The following TRMT9B variants were observed in gnomAD, a reference collection of about 807,000 sequenced individuals.
TRMT9B encodes probable tRNA methyltransferase 9B.
In TRMT9B, 16 loss-of-function variants were observed where a neutral mutation model predicts 11.5. The observed-to-expected ratio is 1.39, with a 90% confidence interval of 0.94 to 2.11. The LOEUF (loss-of-function observed/expected upper bound fraction) is 2.11, where lower values mean the gene tolerates loss of function less well. TRMT9B is among the 30% of genes most tolerant of loss of function. The pLI is 0.00. For synonymous variants in TRMT9B, 274 were observed against 192.4 expected, an observed-to-expected ratio of 1.42 and a Z score of -3.51; for missense variants, 941 against 553.8, an observed-to-expected ratio of 1.70 and a Z score of -7.02.
At chr8:12,965,960 C>T (rs1802752257) in intron 1 of TRMT9B, among the ~76,000 whole-genome samples, 1 of 151,704 alleles carries the variant, frequency 6.6e-6, no homozygotes, top group Admixed American at 6.6e-5. Context: ...TAGTAGTGAG[C>T]CAAGATAGTG....
At chr8:13,019,386 G>C (rs990021940) in intron 4 of TRMT9B, among the ~76,000 whole-genome samples, 1 of 152,166 alleles carries the variant, frequency 6.6e-6, no homozygotes, top group Non-Finnish European at 1.5e-5. Context: ...CGACCTCCCT[G>C]GCTCAAATGA....
intron 4 of TRMT9B, among the ~76,000 whole-genome samples, chr8:13,018,697 T>C (rs1449065758): frequency 6.6e-6 from 1 of 152,178 alleles, no homozygotes; most frequent in African/African-American, 2.4e-5. Flanking sequence ...GAACAACATA[T>C]TGTCTTGTTT....
chr8:12,991,031 G>C lies in TRMT9B; in HGVS notation c.-2G>C. The C allele has an allele frequency of 2.5e-6, 3 of 1,223,450 alleles. No homozygotes were observed. Among genetic ancestry groups the C allele is most frequent in the Non-Finnish European group, 3.1e-6 (3 of 953,958 alleles). The allele number at this position is 1,223,450 out of a possible 1,614,324, so 75.8% of individuals were successfully genotyped here. A position where few individuals can be genotyped will look rare whatever the true frequency, so the allele number is the denominator to read the frequency against. ...TTTCCTGTAATCACAGGATGACTCA[G>C]GTTAGTAGCTTTCAGCGCTTCTGCA... On this transcript the variant is annotated splice_region_variant and 5_prime_UTR_variant, in exon 2 of 5. Coordinates refer to ENST00000524591, the MANE Select transcript of TRMT9B (RefSeq NM_020844.3).
chr8:12,958,032 C>G (rs973155822), intron 1 of TRMT9B, among the ~76,000 whole-genome samples: 15 of 152,084 alleles, frequency 9.9e-5, no homozygotes, highest in African/African-American at 3.4e-4. Flanking sequence ...TCCGTTTTCA[C>G]CCGGCTGATA....
chr8:12,963,985 G>A (rs1014032678), intron 1 of TRMT9B, among the ~76,000 whole-genome samples: 25 of 152,074 alleles, frequency 1.6e-4, no homozygotes, highest in Admixed American at 3.3e-4. Context: ...GACACCAATC[G>A]CATCAGCTTT....
intron 4 of TRMT9B, among the ~76,000 whole-genome samples, chr8:13,015,198 G>A (rs890813796): frequency 1.3e-5 from 2 of 150,868 alleles, no homozygotes; most frequent in East Asian, 1.9e-4. Context: ...ATTGTTATTG[G>A]ATTTTTTTAA....
intron 1 of TRMT9B, among the ~76,000 whole-genome samples, chr8:12,988,225 C>T (rs1051813655): frequency 6.6e-6 from 1 of 152,202 alleles, no homozygotes; most frequent in Admixed American, 6.5e-5. Flanking sequence ...ACTCCCCCTT[C>T]CCACTCCAGG....
intron 2 of TRMT9B, among the ~76,000 whole-genome samples, chr8:13,001,919 T>C (rs1209293275): frequency 1.3e-5 from 2 of 152,216 alleles, no homozygotes; most frequent in Non-Finnish European, 2.9e-5. Flanking sequence ...CTTGTTTTAG[T>C]ACTAGTCTTA....
chr8:13,011,040 G>C (rs1811512030), intron 3 of TRMT9B: 4 of 630,352 alleles, frequency 6.3e-6, no homozygotes, highest in Non-Finnish European at 7.9e-6. Flanking sequence ...GCTGGAGTGA[G>C]GTGATGCTAC....
intron 1 of TRMT9B, among the ~76,000 whole-genome samples, chr8:12,978,821 G>A (rs917362976): frequency 1.3e-5 from 2 of 152,194 alleles, no homozygotes; most frequent in African/African-American, 2.4e-5. Flanking sequence ...GGCACGTGGA[G>A]TCCAGACTCC....
intron 1 of TRMT9B, among the ~76,000 whole-genome samples, chr8:12,979,887 C>G (rs948287838): frequency 1.3e-5 from 2 of 152,062 alleles, no homozygotes; most frequent in African/African-American, 4.8e-5. Context: ...TCAAGAGAAC[C>G]TCGGCTGGAA....
chr8:13,010,900 A>T, intron 3 of TRMT9B: 1 of 954,716 alleles, frequency 1.0e-6, no homozygotes, highest in Non-Finnish European at 1.2e-6. Flanking sequence ...CATTATTGGG[A>T]ACAGTGTGGC....
chr8:12,961,523 A>AACCCCG (rs1356922557), intron 1 of TRMT9B, among the ~76,000 whole-genome samples: 4 of 151,418 alleles, frequency 2.6e-5, no homozygotes, highest in Non-Finnish European at 4.4e-5. Context: ...AACACGGTGA[A>AACCCCG]ACCCCGTCTC....
rs1808189023 is a variant in TRMT9B, at chr8:12,995,561, A to T, written c.-2+4530A>T. 2.0e-5 allele frequency among the ~76,000 whole-genome samples: 3 copies of T among 151,936 alleles called. No individual in the cohort carries two copies. In the South Asian group the frequency reaches 6.2e-4, roughly 32 times the overall value. Reference sequence around the variant, plus strand: ...TTAATTGCCCGTTTCTTCTCCTTGCACTTCCCCTGGTTTCTTTCTTCTTTT... The same window carrying T: ...TTAATTGCCCGTTTCTTCTCCTTGCTCTTCCCCTGGTTTCTTTCTTCTTTT... On this transcript the variant is annotated intron_variant, in intron 2 of 4. Coordinates refer to ENST00000524591, the MANE Select transcript of TRMT9B (RefSeq NM_020844.3).
chr8:12,977,678 T>A (rs1804677014), intron 1 of TRMT9B, among the ~76,000 whole-genome samples: 1 of 151,966 alleles, frequency 6.6e-6, no homozygotes, highest in Admixed American at 6.6e-5. Context: ...TCCAGCCTTG[T>A]GACAGAGCAA....
intron 1 of TRMT9B, among the ~76,000 whole-genome samples, chr8:12,981,338 G>T (rs749439928): frequency 7.9e-5 from 12 of 152,326 alleles, no homozygotes; most frequent in Non-Finnish European, 1.5e-4. Flanking sequence ...AGAGCACAGG[G>T]TGTGAATTGG....
chr8:12,966,068 A>T (rs949555797), intron 1 of TRMT9B, among the ~76,000 whole-genome samples: 2 of 149,834 alleles, frequency 1.3e-5, no homozygotes, highest in African/African-American at 4.9e-5. Flanking sequence ...ATGTACACCT[A>T]TAATCCGAGC....
chr8:13,002,706 T>C (rs1002772386), intron 2 of TRMT9B, among the ~76,000 whole-genome samples: 1 of 152,142 alleles, frequency 6.6e-6, no homozygotes, highest in Non-Finnish European at 1.5e-5. Context: ...GTAGTAATAA[T>C]TGGGGCAAGA....
chr8:12,983,236 A>G (rs1805707813), intron 1 of TRMT9B, among the ~76,000 whole-genome samples: 1 of 152,220 alleles, frequency 6.6e-6, no homozygotes, highest in South Asian at 2.1e-4. Context: ...GAAAAGGTGC[A>G]ATGGGCTTAT....
Sources: gnomAD v4.1 joint callset for allele counts (sites outside exome capture counted in the v4.1 genomes callset) on GRCh38, gnomAD v4.1.1 for gene constraint, MANE v1.5 for transcripts, NCBI Gene and HGNC (gene_info 2026-07-23, HGNC 2026-07-21) for gene names.